Variants in ANKFN1 observed in about 807,000 individuals in gnomAD.
ANKFN1 encodes ankyrin repeat and fibronectin type-III domain-containing protein 1.
Under a neutral mutation model 108.7 loss-of-function variants are expected in ANKFN1, and 74 were observed. The ratio of observed to expected loss-of-function variants is 0.68; its 90% CI spans 0.56 to 0.83. The LOEUF is 0.83. Ranked by LOEUF, ANKFN1 falls within the 40% of genes least tolerant of loss-of-function variation. The pLI, the probability that ANKFN1 is intolerant of heterozygous loss-of-function variation, is 0.00. For missense variants in ANKFN1, 1,505 were observed against 1,382.3 expected (o/e 1.09, Z -1.41); for synonymous variants, 547 against 516.2 (o/e 1.06, Z -0.81).
chr17:56,057,963 TA>T (rs1904909339), intron 4 of ANKFN1, among the ~76,000 whole-genome samples: 2 of 152,214 alleles, frequency 1.3e-5, no homozygotes, highest in African/African-American at 4.8e-5. Context: ...TATTTTGAAA[TA>T]AATCTGTTTT....
intron 1 of ANKFN1, among the ~76,000 whole-genome samples, chr17:56,161,910 T>C (rs556924388): frequency 6.6e-6 from 1 of 152,354 alleles, no homozygotes; most frequent in East Asian, 1.9e-4. Flanking sequence ...CAACCATGCT[T>C]GCCAAAATGC....
chr17:56,134,545 G>A (rs1907481332), intron 4 of ANKFN1, among the ~76,000 whole-genome samples: 1 of 152,068 alleles, frequency 6.6e-6, no homozygotes, highest in Admixed American at 6.5e-5. Flanking sequence ...TAGGAGCTCT[G>A]TGTCAAGAAC....
intron 3 of ANKFN1, among the ~76,000 whole-genome samples, chr17:56,270,807 T>G (rs1187773491): frequency 6.6e-6 from 1 of 152,164 alleles, no homozygotes; most frequent in Non-Finnish European, 1.5e-5. Flanking sequence ...TTCCTCAGCC[T>G]GTAATGTTCT....
At chr17:56,323,396 T>C (rs894689105) in intron 3 of ANKFN1, 2 of 152,644 alleles carry the variant, frequency 1.3e-5, no homozygotes, top group East Asian at 3.8e-4. Context: ...AAGTGTTTGA[T>C]GTTCAATGAA....
At chr17:56,477,838 G>A (rs113852890) in intron 16 of ANKFN1, among the ~76,000 whole-genome samples, 184 bp downstream of exon 16, 7 of 151,826 alleles carry the variant, frequency 4.6e-5, no homozygotes, top group African/African-American at 1.2e-4. Flanking sequence ...TGTTGTTGTT[G>A]TTTTTTGAGA....
intron 3 of ANKFN1, among the ~76,000 whole-genome samples, chr17:56,245,485 C>T: frequency 6.6e-6 from 1 of 152,052 alleles, no homozygotes; most frequent in Non-Finnish European, 1.5e-5. Context: ...AATTTCACTG[C>T]TAGTTTTGAC....
rs148072920 is a variant in ANKFN1 at position 56,194,833 on chromosome 17, T to A, written c.-70-17765T>A. 1.7e-3 allele frequency among the ~76,000 whole-genome samples: 264 copies of A among 152,330 alleles called. 3 individuals are homozygous for A. The highest frequency in any genetic ancestry group is 6.1e-3 in the African/African-American group (254 of 41,568). Reference sequence around the variant, plus strand: ...AGGCAGGTGTGTGGGCAGAGGATATTTGGGAAATCCCTGTACCATCTATCA... The same window carrying A: ...AGGCAGGTGTGTGGGCAGAGGATATATGGGAAATCCCTGTACCATCTATCA... On this transcript the variant is annotated intron_variant, in intron 1 of 20. Transcript: ENST00000682825.
At chr17:56,063,429 G>C (rs1221065215) in intron 4 of ANKFN1, among the ~76,000 whole-genome samples, 2 of 151,354 alleles carry the variant, frequency 1.3e-5, no homozygotes, top group African/African-American at 2.4e-5. Context: ...TTATTTCTTG[G>C]TGGCTTTGTT....
intron 2 of ANKFN1, among the ~76,000 whole-genome samples, chr17:56,226,367 G>C (rs934063298): frequency 1.3e-5 from 2 of 151,936 alleles, no homozygotes; most frequent in African/African-American, 4.8e-5. Flanking sequence ...ATTATTTATG[G>C]GCCCAGAAAT....
chr17:56,459,576 T>C (rs1432733943), intron 14 of ANKFN1, among the ~76,000 whole-genome samples: 1 of 152,180 alleles, frequency 6.6e-6, no homozygotes, highest in African/African-American at 2.4e-5. Flanking sequence ...TTAGGATAAA[T>C]ACATTCCTAA....
chr17:56,461,183 T>G lies in ANKFN1; in HGVS notation c.1557+3204T>G, dbSNP rs1296571701. 2.6e-5 allele frequency among the ~76,000 whole-genome samples: 4 copies of G among 152,238 alleles called. No individual in the cohort carries two copies. The East Asian group carries it at 7.7e-4, about 29-fold the overall frequency. Reference sequence around the variant, plus strand: ...CCAAAATTCCAAACAGTCTAGTATTTGCTGGAGAGAAGGAAATTTCTTTTA... The same window carrying G: ...CCAAAATTCCAAACAGTCTAGTATTGGCTGGAGAGAAGGAAATTTCTTTTA... On this transcript the variant is annotated intron_variant, in intron 14 of 20. Coordinates refer to ENST00000682825, the MANE Select transcript of ANKFN1 (RefSeq NM_001370326.1).
At chr17:56,213,721 T>C (rs960701487) in intron 2 of ANKFN1, among the ~76,000 whole-genome samples, 2 of 152,190 alleles carry the variant, frequency 1.3e-5, no homozygotes, top group Non-Finnish European at 2.9e-5. Context: ...ACAAAGGAAA[T>C]TGAGGATGAA....
intron 6 of ANKFN1, among the ~76,000 whole-genome samples, chr17:56,364,411 A>C (rs528319003): frequency 5.9e-5 from 9 of 152,350 alleles, no homozygotes; most frequent in African/African-American, 2.2e-4. Flanking sequence ...TATATTATTA[A>C]AATTAATGCA....
chr17:56,291,617 A>T (rs16957049), intron 3 of ANKFN1, among the ~76,000 whole-genome samples: 15,222 of 152,214 alleles, frequency 0.1, 1,679 homozygotes, highest in African/African-American at 0.27. Context: ...ACAGTGGCCT[A>T]GAGTAACCTT....
rs558191795 is a variant in ANKFN1 at position 56,207,704 on chromosome 17, T to C, written c.-70-4894T>C. 4.6e-5 allele frequency among the ~76,000 whole-genome samples: 7 copies of C among 152,298 alleles called. No individual in the cohort carries two copies. In the South Asian group the frequency reaches 8.3e-4, roughly 18 times the overall value. ...CTAATTTGGCTCCCTCCCTTTTCCA[T>C]ATATGGTGCTAATACCCTCGCTGGA... On this transcript the variant is annotated intron_variant, in intron 1 of 20. Transcript: ENST00000682825.
intron 20 of ANKFN1, among the ~76,000 whole-genome samples, chr17:56,509,059 G>A (rs546903480): frequency 6.6e-6 from 1 of 152,318 alleles, no homozygotes; most frequent in South Asian, 2.1e-4. Flanking sequence ...CAAAAAGGCA[G>A]AAGAGGGAAT....
In ANKFN1 at chr17:56,080,232, T is replaced by A. The variant is rs140870448; in HGVS notation, c.288+33907T>A. ...TTTTCAGAGAGCAATTAACAGTACC[T>A]GTCAAAGTATTCAATGTGCTTGTCT... On this transcript the variant is annotated intron_variant, in intron 4 of 12. Coordinates refer to the ANKFN1 transcript ENST00000635860. Among the ~76,000 whole-genome samples the A allele has an allele frequency of 6.6e-5, 10 of 152,340 alleles. No homozygotes were observed. The East Asian group carries it at 1.9e-3, about 29-fold the overall frequency.
intron 3 of ANKFN1, among the ~76,000 whole-genome samples, chr17:56,272,760 T>C (rs932808736): frequency 5.3e-5 from 8 of 152,206 alleles, no homozygotes; most frequent in African/African-American, 1.9e-4. Context: ...TTTCACTATG[T>C]AGTGGTTTTA....
intron 18 of ANKFN1, among the ~76,000 whole-genome samples, chr17:56,487,835 G>C (rs1171952817): frequency 6.6e-6 from 1 of 152,124 alleles, no homozygotes; most frequent in Non-Finnish European, 1.5e-5. Flanking sequence ...ATTCAGAATG[G>C]GAAAGAAAAG....
Sources: allele counts gnomAD v4.1 joint callset (sites outside exome capture counted in the v4.1 genomes callset), GRCh38; gene constraint gnomAD v4.1.1; transcripts MANE v1.5; gene names NCBI Gene and HGNC (gene_info 2026-07-23, HGNC 2026-07-21).